Variants in ATR observed in about 807,000 individuals in gnomAD.
The protein encoded by ATR is ATR checkpoint kinase, also known as serine/threonine-protein kinase ATR.
Under a neutral mutation model 305.3 loss-of-function variants are expected in ATR, and 142 were observed. The ratio of observed to expected loss-of-function variants is 0.47; its 90% CI spans 0.41 to 0.53. The LOEUF (loss-of-function observed/expected upper bound fraction) is 0.53, where lower values mean the gene tolerates loss of function less well. ATR is among the 20% of genes least tolerant of loss of function. ATR has a pLI of 0.00. For synonymous variants in ATR, 1,050 were observed against 1,068.1 expected, an observed-to-expected ratio of 0.98 and a Z score of 0.33; for missense variants, 2,135 against 3,133.1, an observed-to-expected ratio of 0.68 and a Z score of 7.60.
intron 18 of ATR, among the ~76,000 whole-genome samples, chr3:142,540,137 A>C (rs1326759349): frequency 6.6e-6 from 1 of 152,192 alleles, no homozygotes; most frequent in Non-Finnish European, 1.5e-5. Context: ...CAGGGAGGAA[A>C]GAAAAAATAG....
rs920624552 is a variant in ATR at position 142,449,272 on chromosome 3, G to A, written c.*157C>T. 1 of 657,310 alleles carries A rather than the reference G, an allele frequency of 1.5e-6. No individual in the cohort carries two copies. The highest frequency in any genetic ancestry group is 2.1e-5 in the South Asian group (1 of 48,670). The allele number at this position is 657,310 out of a possible 1,614,324, so 40.7% of individuals were successfully genotyped here. ...GCAGTTTATTTCTTAATAACTGAAT[G>A]TATATTATTTTACATATAATTAATG... On this transcript the variant is annotated 3_prime_UTR_variant, in exon 47 of 47. Coordinates refer to ENST00000350721, the MANE Select transcript of ATR (RefSeq NM_001184.4).
At chr3:142,539,140 G>A (rs886754190) in intron 18 of ATR, among the ~76,000 whole-genome samples, 3 of 152,102 alleles carry the variant, frequency 2.0e-5, no homozygotes, top group South Asian at 2.1e-4. Context: ...AGTACTTCAC[G>A]TGATTCTAAA....
In ATR at chr3:142,538,650, G is replaced by C. The variant is rs748279553; in HGVS notation, c.3582-25C>G. On this transcript the variant is annotated intron_variant, in intron 18 of 46. Coordinates refer to ENST00000350721, the MANE Select transcript of ATR (RefSeq NM_001184.4). ...TCTATGTGAAAAAACAAATAGAAAT[G>C]AAGTCCAATTACTTTTATTATTTGT... 7.4e-6 allele frequency: 12 copies of C among 1,612,480 alleles called. No individual in the cohort carries two copies. The East Asian group carries it at 2.7e-4, about 36-fold the overall frequency.
chr3:142,559,344 A>C lies in ATR; in HGVS notation c.1639T>G (p.Cys547Gly). The change falls in exon 7 of 47, where the codon TGT (cysteine) becomes GGT (glycine). Residue 547 changes from cysteine (C) to glycine (G), a missense_variant. By Grantham distance (159) the Cys-to-Gly change is radical. Coordinates refer to ENST00000350721, the MANE Select transcript of ATR (RefSeq NM_001184.4). The part of the protein sequence containing the change: ...LDFYTKVLKS[C>G]RSLLESVQKL... The stretch of plus-strand genomic sequence containing the variant: ...TGAACAGATTCTAACAAACTTCTAC[A>C]GCTCTTAAGCACTTTTGTGTAAAAA... 6.2e-7 allele frequency: 1 copy of C among 1,613,934 alleles called. No individual in the cohort carries two copies. The highest frequency in any genetic ancestry group is 1.3e-5 in the African/African-American group (1 of 75,052).
intron 1 of ATR, among the ~76,000 whole-genome samples, chr3:142,570,255 G>A (rs1056487758): frequency 2.6e-5 from 4 of 152,090 alleles, no homozygotes; most frequent in African/African-American, 9.7e-5. Context: ...GCCCTTTGAT[G>A]CACAAAGTTT....
At position 142,553,384 on chromosome 3, in the gene ATR, T is replaced by A. The variant is rs778859518; in HGVS notation, c.2648A>T (p.Asp883Val). 1.2e-6 allele frequency: 2 copies of A among 1,613,312 alleles called. No individual in the cohort carries two copies. The highest frequency in any genetic ancestry group is 2.2e-5 in the South Asian group (2 of 91,032). Residue 883 changes from aspartate to valine, a missense_variant, in exon 13 of 47, where the codon GAT becomes GTT. Asp to Val is a radical substitution (Grantham distance 152). Transcript: ENST00000350721. The part of the protein sequence containing the change: ...TGDIGRAAKG[D>V]LVPFALLHLL... ...GTGTAAGAGTGCAAATGGTACCAAATCTCCTTTTGCGGCCCTAAAATTAAA... is the reference window on the plus strand; with the variant it reads ...GTGTAAGAGTGCAAATGGTACCAAAACTCCTTTTGCGGCCCTAAAATTAAA...
rs373529722 is a variant in ATR, at chr3:142,485,285, A to G, written c.6079-3T>C. On this transcript the variant is annotated splice_region_variant and splice_polypyrimidine_tract_variant and intron_variant, in intron 35 of 46. Coordinates refer to ENST00000350721, the MANE Select transcript of ATR (RefSeq NM_001184.4). ...TCTGGCAGGCACGCGGTCACATCCT[A>G]TAAAAAAGAACATAGGATACCTACC... 5 of 1,614,038 alleles carry G rather than the reference A, an allele frequency of 3.1e-6. No homozygotes were observed. The highest frequency in any genetic ancestry group is 2.7e-5 in the African/African-American group (2 of 75,050).
intron 1 of ATR, among the ~76,000 whole-genome samples, chr3:142,568,817 C>T (rs1468058804): frequency 1.3e-5 from 2 of 152,232 alleles, no homozygotes; most frequent in Non-Finnish European, 2.9e-5. Context: ...GACCAGGCCG[C>T]GTGTGCATGT....
At chr3:142,449,835 C>G (rs1461137344) in intron 46 of ATR, 1 of 537,790 alleles carries the variant, frequency 1.9e-6, no homozygotes. Flanking sequence ...TTCTGGACTA[C>G]GTGAAATACC....
At chr3:142,514,801 C>T (rs1231878958) in intron 25 of ATR, among the ~76,000 whole-genome samples, 1 of 95,070 alleles carries the variant, frequency 1.1e-5, no homozygotes, top group Non-Finnish European at 2.0e-5. Flanking sequence ...GAGCAAGACT[C>T]CGTCACAAAA....
rs770307121 is a variant in ATR at position 142,494,867 on chromosome 3, T to A, written c.5898+1494A>T. Reference sequence around the variant, plus strand: ...ATTTTAGAAAGATCACAAACTGCAATAACGTATACAGGGAAATGGTGAGAT... The same window carrying A: ...ATTTTAGAAAGATCACAAACTGCAAAAACGTATACAGGGAAATGGTGAGAT... On this transcript the variant is annotated intron_variant, in intron 34 of 46. Coordinates refer to ENST00000350721, the MANE Select transcript of ATR (RefSeq NM_001184.4). Among the ~76,000 whole-genome samples, 15 of 152,310 alleles carry A rather than the reference T, an allele frequency of 9.8e-5. No homozygotes were observed. The South Asian group carries it at 1.0e-3, about 11-fold the overall frequency.
At chr3:142,469,141 C>A (rs2071197213) in intron 38 of ATR, among the ~76,000 whole-genome samples, 196 bp downstream of exon 38, 1 of 152,140 alleles carries the variant, frequency 6.6e-6, no homozygotes, top group South Asian at 2.1e-4. Flanking sequence ...CTAGTTACTT[C>A]ATTTCATATG....
intron 41 of ATR, among the ~76,000 whole-genome samples, chr3:142,463,321 A>C (rs1261621391): frequency 5.9e-5 from 9 of 152,248 alleles, no homozygotes; most frequent in Admixed American, 5.2e-4. Context: ...ACTCAGAAAA[A>C]CTCAGGGAGC....
At chr3:142,498,061 T>C (rs920597543) in intron 32 of ATR, among the ~76,000 whole-genome samples, 2 of 152,088 alleles carry the variant, frequency 1.3e-5, no homozygotes, top group South Asian at 2.1e-4. Context: ...TCTTCTAACT[T>C]AAAAAAACAG....
intron 29 of ATR, 63 bp from the exon 30 acceptor site, chr3:142,503,516 A>T: frequency 1.0e-6 from 1 of 990,758 alleles, no homozygotes; most frequent in Non-Finnish European, 1.5e-6. Flanking sequence ...GGGACCAAAA[A>T]CAGTTTAACT....
intron 36 of ATR, among the ~76,000 whole-genome samples, chr3:142,479,801 T>C (rs2030281040): frequency 6.6e-6 from 1 of 152,238 alleles, no homozygotes; most frequent in Non-Finnish European, 1.5e-5. Context: ...TATTCTTTTT[T>C]CTCTAAACTT....
intron 31 of ATR, 54 bp from the exon 32 acceptor site, chr3:142,498,828 A>T (rs764589948): frequency 8.3e-6 from 13 of 1,561,138 alleles, no homozygotes; most frequent in Non-Finnish European, 1.1e-5. Flanking sequence ...TCCAAGAGTC[A>T]GCTTTATTTC....
chr3:142,570,540 C>T (rs1319164616), intron 1 of ATR, among the ~76,000 whole-genome samples: 2 of 152,190 alleles, frequency 1.3e-5, no homozygotes, highest in East Asian at 1.9e-4. Flanking sequence ...GCATGTACCA[C>T]CACGCCTGGC....
chr3:142,524,505 G>A (rs1361466557), intron 21 of ATR, among the ~76,000 whole-genome samples: 1 of 152,132 alleles, frequency 6.6e-6, no homozygotes, highest in African/African-American at 2.4e-5. Context: ...CAAGTTCACA[G>A]TCTAAGAGGA....
Sources: allele counts gnomAD v4.1 joint callset (sites outside exome capture counted in the v4.1 genomes callset), GRCh38; gene constraint gnomAD v4.1.1; transcripts MANE v1.5; gene names NCBI Gene and HGNC (gene_info 2026-07-23, HGNC 2026-07-21).